Variants in COL4A6 observed in about 807,000 individuals in gnomAD.
The protein encoded by COL4A6 is collagen type IV alpha 6 chain.
In COL4A6, 59 loss-of-function variants were observed where a neutral mutation model predicts 126.7. The observed-to-expected ratio is 0.47, with a 90% CI of 0.38 to 0.58. The LOEUF (loss-of-function observed/expected upper bound fraction) is 0.58. Ranked by LOEUF, COL4A6 falls within the 20% of genes least tolerant of loss-of-function variation. The probability of loss-of-function intolerance (pLI) is 0.00; values close to 1 mark genes in which losing one functional copy is unlikely to be tolerated. For synonymous variants in COL4A6, 547 were observed against 496.6 expected (o/e 1.10, Z -1.35); for missense variants, 1,285 against 1,337.3 (o/e 0.96, Z 0.61).
In COL4A6 at chrX:108,358,693, C is replaced by G. The variant is rs999599266; in HGVS notation, c.64-47865G>C. Among the ~76,000 whole-genome samples, 8 of 112,233 alleles carry G rather than the reference C, an allele frequency of 7.1e-5. No homozygotes were observed. The South Asian group carries it at 3.0e-3, about 42-fold the overall frequency. ...TATAGGCGTGAGCCACCGTGCCTGG[C>G]TGATAATGACTTTTAAAAATTTTTC... is the stretch of plus-strand genomic sequence containing the variant. On this transcript the variant is annotated intron_variant, in intron 2 of 44. Coordinates refer to ENST00000334504, the MANE Select transcript of COL4A6 (RefSeq NM_033641.4).
intron 2 of COL4A6, among the ~76,000 whole-genome samples, chrX:108,383,218 G>C (rs1163831013): frequency 2.7e-5 from 3 of 110,517 alleles, no homozygotes; most frequent in Non-Finnish European, 5.7e-5. Context: ...AGTATAAAGA[G>C]TCACACTTTA....
chrX:108,390,604 C>G (rs1264134844), intron 2 of COL4A6, among the ~76,000 whole-genome samples: 1 of 109,501 alleles, frequency 9.1e-6, no homozygotes, highest in Admixed American at 9.9e-5. Context: ...CTTCTCTAAA[C>G]TGGTTATTCT....
chrX:108,286,210 G>A (rs983357526), intron 3 of COL4A6, among the ~76,000 whole-genome samples: 3 of 112,167 alleles, frequency 2.7e-5, no homozygotes, highest in South Asian at 3.7e-4. Context: ...AGATAAACCC[G>A]AAAGTATATA....
chrX:108,349,960 T>A lies in COL4A6; in HGVS notation c.64-39132A>T, dbSNP rs141356926. On this transcript the variant is annotated intron_variant, in intron 2 of 44. Coordinates refer to ENST00000334504, the MANE Select transcript of COL4A6 (RefSeq NM_033641.4). ...GTTTTGGTTTTGTCCTTTTTACAGA[T>A]GTGGACACTGGGGTTCAGAAATGTC... Among the ~76,000 whole-genome samples, 113 of 111,963 alleles carry A rather than the reference T, an allele frequency of 1.0e-3. 4 individuals carry two copies. The East Asian group carries it at 0.031, about 30-fold the overall frequency.
Position 108,164,614 on chromosome X carries a change from T to G in COL4A6, c.4055A>C (p.Lys1352Thr). 1 of 1,211,294 alleles carries G rather than the reference T, an allele frequency of 8.3e-7. No homozygotes were observed. Residue 1352 changes from lysine (K) to threonine (T), a missense_variant, in exon 40 of 45, where the codon AAG (lysine) becomes ACG (threonine). By Grantham distance (78) the Lys-to-Thr change is moderately conservative (BLOSUM62 -1). Coordinates refer to ENST00000334504, the MANE Select transcript of COL4A6 (RefSeq NM_033641.4). ...TCTCAACTTACCTCTTGGCCCTGCCTTCCCCTTCATTCCGGGAAATCCTGG... is the reference window on the plus strand; with the variant it reads ...TCTCAACTTACCTCTTGGCCCTGCCGTCCCCTTCATTCCGGGAAATCCTGG... ...GDPGFPGMKG[K>T]AGPRGSSGLQ...
chrX:108,237,246 C>T (rs186227185), intron 3 of COL4A6, among the ~76,000 whole-genome samples: 3 of 111,422 alleles, frequency 2.7e-5, no homozygotes. Flanking sequence ...GGTCCTATTG[C>T]TCTCCTGCTC....
chrX:108,235,580 T>C (rs936534120), intron 3 of COL4A6, among the ~76,000 whole-genome samples: 2 of 110,852 alleles, frequency 1.8e-5, no homozygotes, highest in African/African-American at 6.6e-5. Context: ...CTATGGCCTG[T>C]ATAGGGAGGA....
chrX:108,281,103 C>T (rs1411158101), intron 3 of COL4A6, among the ~76,000 whole-genome samples: 1 of 96,853 alleles, frequency 1.0e-5, no homozygotes. Context: ...GATGCCCTCT[C>T]TCACCACTCC....
chrX:108,232,276 C>T (rs746121148), intron 3 of COL4A6, among the ~76,000 whole-genome samples: 1 of 111,805 alleles, frequency 8.9e-6, no homozygotes, highest in East Asian at 2.8e-4. Context: ...ATCAAACTTC[C>T]CTTTTGTGAT....
intron 3 of COL4A6, among the ~76,000 whole-genome samples, chrX:108,261,345 T>C (rs1007811136): frequency 9.0e-6 from 1 of 111,374 alleles, no homozygotes; most frequent in South Asian, 3.7e-4. Flanking sequence ...AAAGCATAAG[T>C]ATTATACCTG....
chrX:108,271,854 G>A (rs1161471107), intron 3 of COL4A6, among the ~76,000 whole-genome samples: 1 of 112,121 alleles, frequency 8.9e-6, no homozygotes, highest in Non-Finnish European at 1.9e-5. Flanking sequence ...TGTTTCTCTT[G>A]TGAAATCCAT....
In COL4A6 at chrX:108,157,248, C is replaced by T; in HGVS notation, c.4825G>A (p.Gly1609Ser). 8.3e-7 allele frequency: 1 copy of T among 1,210,437 alleles called. No homozygotes were observed. Among genetic ancestry groups the T allele is most frequent in the Non-Finnish European group, 1.1e-6 (1 of 894,667 alleles). ...GYSFLMHTAA[G>S]AEGGGQSLVS... ...AGGGACTGGCCTCCACCCTCGGCAC[C>T]AGCGGCAGTGTGCTGAAACAGACAG... is the stretch of plus-strand genomic sequence containing the variant. Residue 1609 changes from glycine (G) to serine (S), a missense_variant, in exon 45 of 45, where the codon GGT becomes AGT. Gly to Ser is a moderately conservative substitution (Grantham distance 56). Transcript: ENST00000334504.
At chrX:108,316,729 A>C (rs776569120) in intron 2 of COL4A6, among the ~76,000 whole-genome samples, 61 of 112,295 alleles carry the variant, frequency 5.4e-4, no homozygotes, top group Middle Eastern at 4.6e-3. Flanking sequence ...AAGATGAAGG[A>C]ATGAGTTATG....
chrX:108,187,842 A>G lies in COL4A6; in HGVS notation c.1767+6T>C. 8.3e-7 allele frequency: 1 copy of G among 1,200,643 alleles called. No homozygotes were observed. The highest frequency in any genetic ancestry group is 1.1e-6 in the Non-Finnish European group (1 of 888,254). On this transcript the variant is annotated splice_donor_region_variant and intron_variant, in intron 22 of 44. Coordinates refer to ENST00000334504, the MANE Select transcript of COL4A6 (RefSeq NM_033641.4). ...AGAGCTAATCACCTAGGAACGATCA[A>G]CTTACCGGAAGGCCTGGCAGACCTG...
chrX:108,388,727 C>A (rs1290390434), intron 2 of COL4A6, among the ~76,000 whole-genome samples: 2 of 111,330 alleles, frequency 1.8e-5, no homozygotes, highest in African/African-American at 6.5e-5. Context: ...CAGTTCTGCT[C>A]TAATCTTAGT....
At chrX:108,161,327 G>A (rs550411805) in intron 42 of COL4A6, among the ~76,000 whole-genome samples, 1 of 111,738 alleles carries the variant, frequency 8.9e-6, no homozygotes, top group East Asian at 2.8e-4. Flanking sequence ...AAAGGGCAGG[G>A]GGCCATCTGT....
intron 2 of COL4A6, among the ~76,000 whole-genome samples, chrX:108,381,675 T>G (rs980313172): frequency 9.0e-5 from 10 of 111,601 alleles, no homozygotes; most frequent in South Asian, 3.7e-4. Context: ...GCAATTAGAA[T>G]AGTACCTAGC....
At position 108,376,410 on chromosome X, in the gene COL4A6, C is replaced by G. The variant is rs1404222744; in HGVS notation, c.63+61532G>C. On this transcript the variant is annotated intron_variant, in intron 2 of 44. Transcript: ENST00000334504. ...AGGAATGCAAGACCAGCCTGGCCAA[C>G]ATGGTAAAACCCAGTCTCCACCAAA... Among the ~76,000 whole-genome samples the G allele has an allele frequency of 3.7e-5, 4 of 107,692 alleles. No individual in the cohort carries two copies. The Admixed American group carries it at 4.0e-4, about 11-fold the overall frequency. 93.5% of individuals were successfully genotyped at this position (107,692 alleles called of 115,157 possible). A position where few individuals can be genotyped will look rare whatever the true frequency, so the allele number is the denominator to read the frequency against.
At chrX:108,241,996 T>G (rs1475931167) in intron 3 of COL4A6, among the ~76,000 whole-genome samples, 2 of 91,277 alleles carry the variant, frequency 2.2e-5, no homozygotes, top group Non-Finnish European at 3.9e-5. Flanking sequence ...TTCACCAGTT[T>G]TTTTTTTTTT....
Sources: gnomAD v4.1 joint callset for allele counts (sites outside exome capture counted in the v4.1 genomes callset) on GRCh38, gnomAD v4.1.1 for gene constraint, MANE v1.5 for transcripts, NCBI Gene and HGNC (gene_info 2026-07-23, HGNC 2026-07-21) for gene names.